SGSM1: variants seen among roughly 807,000 people sequenced by gnomAD.
SGSM1 encodes the protein small G protein signaling modulator 1.
Under a neutral mutation model 133.8 loss-of-function variants are expected in SGSM1, and 73 were observed. That is an observed-to-expected ratio of 0.55 (90% CI 0.45 to 0.66). SGSM1 has a LOEUF of 0.66. Among genes scored for constraint, SGSM1 ranks in the 30% least tolerant of loss-of-function variants. SGSM1 has a pLI of 0.00. For missense variants in SGSM1, 1,213 were observed against 1,448.1 expected, an observed-to-expected ratio of 0.84 and a Z score of 2.64; for synonymous variants, 563 against 573.0, an observed-to-expected ratio of 0.98 and a Z score of 0.25.
intron 9 of SGSM1, among the ~76,000 whole-genome samples, chr22:24,862,903 A>AG (rs145362142): frequency 0.12 from 18,100 of 152,070 alleles, 1,138 homozygotes; most frequent in South Asian, 0.24. Flanking sequence ...AGGCATTCCC[A>AG]GGGGTCTGCA....
At chr22:24,914,481 C>A (rs139768) in intron 22 of SGSM1, among the ~76,000 whole-genome samples, 3 of 121,610 alleles carry the variant, frequency 2.5e-5, no homozygotes, top group South Asian at 2.7e-4. Context: ...GTCCCCCCCC[C>A]CAAAAAAAAA....
In SGSM1 at chr22:24,924,655, T is replaced by C. The variant is rs1384042350; in HGVS notation, c.*381T>C. 8.3e-6 allele frequency: 2 copies of C among 241,710 alleles called. No homozygotes were observed. Among genetic ancestry groups the C allele is most frequent in the African/African-American group, 4.5e-5 (2 of 44,770 alleles). The allele number at this position is 241,710 out of a possible 1,614,324, so 15.0% of individuals were successfully genotyped here. A position where few individuals can be genotyped will look rare whatever the true frequency, so the allele number is the denominator to read the frequency against. On this transcript the variant is annotated 3_prime_UTR_variant, in exon 25 of 25. Transcript: ENST00000400358. ...GAGACCTGGGGAGGAAACTTCTTTT[T>C]GGAAATTGGTGTAGAAGAGGTGTGT...
At chr22:24,919,072 G>A (rs1243358927) in intron 23 of SGSM1, among the ~76,000 whole-genome samples, 1 of 101,624 alleles carries the variant, frequency 9.8e-6, no homozygotes, top group Non-Finnish European at 1.8e-5. Flanking sequence ...TTTTCGAGAT[G>A]AAGTCTGGCT....
intron 2 of SGSM1, among the ~76,000 whole-genome samples, chr22:24,830,671 C>CGGGA (rs951230746): frequency 1.7e-5 from 1 of 58,574 alleles, no homozygotes; most frequent in African/African-American, 5.8e-5. Context: ...GTCTGAAAGG[C>CGGGA]GGGAGGGAGA....
At chr22:24,853,424 T>G (rs1411311232) in intron 5 of SGSM1, among the ~76,000 whole-genome samples, 2 of 152,236 alleles carry the variant, frequency 1.3e-5, no homozygotes, top group Non-Finnish European at 2.9e-5. Flanking sequence ...TAGAAACCAC[T>G]ACACAATAAC....
chr22:24,806,264 A>T lies in SGSM1; in HGVS notation c.-62A>T. The stretch of plus-strand genomic sequence containing the variant: ...GCTGCAGCAGCAGCGCCGCGGCCGG[A>T]GGAGCTACCGCCGCCACCGCCGCCA... On this transcript the variant is annotated 5_prime_UTR_variant, in exon 1 of 25. Transcript: ENST00000400358. 2.2e-6 allele frequency: 3 copies of T among 1,367,098 alleles called. No homozygotes were observed. Among genetic ancestry groups the T allele is most frequent in the Non-Finnish European group, 2.8e-6 (3 of 1,062,012 alleles). The allele number at this position is 1,367,098 out of a possible 1,614,324, so 84.7% of individuals were successfully genotyped here.
chr22:24,912,783 CT>C (rs775068853), intron 22 of SGSM1, 31 bp downstream of exon 22: 1 of 1,531,276 alleles, frequency 6.5e-7, no homozygotes, highest in South Asian at 1.2e-5. Context: ...TTGCTTTGGA[CT>C]TTTTTGGGAA....
chr22:24,886,738 C>T lies in SGSM1; in HGVS notation c.1770+10C>T, dbSNP rs1156782601. 6.3e-7 allele frequency: 1 copy of T among 1,577,956 alleles called. No individual in the cohort carries two copies. Among genetic ancestry groups the T allele is most frequent in the Admixed American group, 1.8e-5 (1 of 54,652 alleles). On this transcript the variant is annotated intron_variant, in intron 16 of 24. Transcript: ENST00000400358. ...AACAGAAAGGAAAGAGGTCGGTTAC[C>T]TGCCATGGGCACTGGGATCTTTGGC...
chr22:24,816,332 A>C (rs1262969883), intron 2 of SGSM1, among the ~76,000 whole-genome samples: 2 of 152,196 alleles, frequency 1.3e-5, no homozygotes, highest in Non-Finnish European at 2.9e-5. Flanking sequence ...AAGTCGGATA[A>C]ACCCTGATAA....
intron 9 of SGSM1, among the ~76,000 whole-genome samples, chr22:24,866,461 A>G (rs1409552295): frequency 6.6e-6 from 1 of 152,214 alleles, no homozygotes; most frequent in African/African-American, 2.4e-5. Context: ...CCTAGATGCC[A>G]GTTAGAGAAA....
At chr22:24,812,251 G>C (rs543524060) in intron 2 of SGSM1, among the ~76,000 whole-genome samples, 1 of 151,948 alleles carries the variant, frequency 6.6e-6, no homozygotes, top group African/African-American at 2.4e-5. Flanking sequence ...GGCTTCCTCT[G>C]TGCTGGGCAT....
At chr22:24,825,317 G>C (rs1569135264) in intron 2 of SGSM1, among the ~76,000 whole-genome samples, 1 of 152,214 alleles carries the variant, frequency 6.6e-6, no homozygotes, top group Non-Finnish European at 1.5e-5. Context: ...CAGAGCAGCA[G>C]AGTGACACAG....
Position 24,847,779 on chromosome 22 carries a change from G to A in SGSM1, c.285G>A (p.Glu95=). ...TGAGCCGCAAGGTGCAAGACCTGGA[G>A]CAGCTGATCGAGAGCGCGTGAGTGC... is the stretch of plus-strand genomic sequence containing the variant. ...EDLSRKVQDL[E]QLIESARNQI... is the part of the protein sequence containing the mutation. The change falls in exon 4 of 25, where the codon GAG becomes GAA. Residue 95 remains glutamate (E), a synonymous_variant. Transcript: ENST00000400358. 1.2e-6 allele frequency: 2 copies of A among 1,613,888 alleles called. No individual in the cohort carries two copies. Among genetic ancestry groups the A allele is most frequent in the Non-Finnish European group, 1.7e-6 (2 of 1,179,876 alleles).
chr22:24,886,512 T>C (rs1932609161), intron 15 of SGSM1, 88 bp from the exon 16 acceptor site: 1 of 1,479,680 alleles, frequency 6.8e-7, no homozygotes, highest in Admixed American at 2.1e-5. Context: ...AAGACCAATC[T>C]GGCCAACATG....
At chr22:24,812,869 C>T (rs1927828787) in intron 2 of SGSM1, among the ~76,000 whole-genome samples, 2 of 152,208 alleles carry the variant, frequency 1.3e-5, no homozygotes. Flanking sequence ...GTTCTACAAG[C>T]TGCAAACTGA....
chr22:24,886,396 T>TTAAAA (rs146263435), intron 15 of SGSM1, among the ~76,000 whole-genome samples: 1 of 11,916 alleles, frequency 8.4e-5, no homozygotes, highest in Admixed American at 1.1e-3. Context: ...GCGCTCTGTC[T>TTAAAA]CAAAGAGAAG....
chr22:24,893,935 G>T, intron 17 of SGSM1, among the ~76,000 whole-genome samples: 1 of 152,176 alleles, frequency 6.6e-6, no homozygotes, highest in East Asian at 1.9e-4. Flanking sequence ...AGTGCCTGGC[G>T]CACTGCCTGA....
intron 5 of SGSM1, among the ~76,000 whole-genome samples, chr22:24,851,112 A>G (rs938007494): frequency 4.0e-5 from 6 of 151,474 alleles, no homozygotes; most frequent in African/African-American, 9.7e-5. Flanking sequence ...AAAAAAAAAA[A>G]AAAAAAAGAA....
intron 19 of SGSM1, among the ~76,000 whole-genome samples, chr22:24,900,644 G>A (rs1159681826): frequency 1.9e-4 from 29 of 152,098 alleles, no homozygotes; most frequent in African/African-American, 6.5e-4. Flanking sequence ...TGATCCGCCC[G>A]CCTCGGCCTC....
Sources: allele counts gnomAD v4.1 joint callset (sites outside exome capture counted in the v4.1 genomes callset), GRCh38; gene constraint gnomAD v4.1.1; transcripts MANE v1.5; gene names NCBI Gene and HGNC (gene_info 2026-07-23, HGNC 2026-07-21).